Variants in COL19A1 observed in about 807,000 individuals in gnomAD.
The protein encoded by COL19A1 is collagen alpha-1(XIX) chain.
A neutral mutation model predicts 190.2 loss-of-function variants in COL19A1; 159 were observed. The ratio of observed to expected loss-of-function variants is 0.84; its 90% CI spans 0.73 to 0.95. The LOEUF is 0.95. Among genes scored for constraint, COL19A1 ranks in the 40% least tolerant of loss-of-function variants. COL19A1 has a pLI of 0.00. For missense variants in COL19A1, 1,418 were observed against 1,431.9 expected (o/e 0.99, Z 0.16); for synonymous variants, 509 against 458.9 (o/e 1.11, Z -1.39).
chr6:70,003,289 A>G (rs1777390226), intron 11 of COL19A1, among the ~76,000 whole-genome samples: 2 of 152,190 alleles, frequency 1.3e-5, no homozygotes, highest in Admixed American at 6.5e-5. Flanking sequence ...TTTACTTCCA[A>G]TTATGTGGTT....
At chr6:70,189,384 T>G (rs1766719061) in intron 47 of COL19A1, among the ~76,000 whole-genome samples, 1 of 152,186 alleles carries the variant, frequency 6.6e-6, no homozygotes, top group Non-Finnish European at 1.5e-5. Flanking sequence ...TCCGTAGAGC[T>G]TCCAACTCTC....
chr6:70,061,412 T>C (rs567693159), intron 14 of COL19A1, among the ~76,000 whole-genome samples: 1 of 151,834 alleles, frequency 6.6e-6, no homozygotes, highest in Non-Finnish European at 1.5e-5. Flanking sequence ...GTCCTAGACT[T>C]AGCAAAAGTG....
At chr6:69,869,988 A>G (rs1271263010) in intron 1 of COL19A1, among the ~76,000 whole-genome samples, 1 of 152,230 alleles carries the variant, frequency 6.6e-6, no homozygotes, top group Non-Finnish European at 1.5e-5. Flanking sequence ...CAACTTCAAT[A>G]GTACTATTTT....
chr6:70,043,462 G>T (rs1482627221), intron 14 of COL19A1, among the ~76,000 whole-genome samples: 2 of 152,092 alleles, frequency 1.3e-5, no homozygotes, highest in Non-Finnish European at 2.9e-5. Flanking sequence ...AAAGTGCTGG[G>T]ATTACAGGCG....
chr6:69,921,163 AT>A (rs1771735158), intron 4 of COL19A1, among the ~76,000 whole-genome samples: 1 of 128,612 alleles, frequency 7.8e-6, no homozygotes, highest in South Asian at 2.4e-4. Context: ...TCACGTATAT[AT>A]TCATATACGT....
At position 69,993,235 on chromosome 6, in the gene COL19A1, TC is replaced by T. The variant is rs529302351; in HGVS notation, c.1026+30367del. Among the ~76,000 whole-genome samples, 1,148 of 152,290 alleles carry T rather than the reference TC, an allele frequency of 7.5e-3. 9 individuals carry two copies. Among genetic ancestry groups the T allele is most frequent in the South Asian group, 0.011 (54 of 4,826 alleles). ...ATGATCATGTGGTTTTTGTGCTTAGTCCTGTTTATGTGATGAATCACATTTA... is the reference window on the plus strand; with the variant it reads ...ATGATCATGTGGTTTTTGTGCTTAGTCTGTTTATGTGATGAATCACATTTA... On this transcript the variant is annotated intron_variant, in intron 11 of 50. Transcript: ENST00000620364.
chr6:70,180,128 C>A (rs1224749039), intron 42 of COL19A1, among the ~76,000 whole-genome samples, 184 bp from the exon 43 acceptor site: 3 of 152,188 alleles, frequency 2.0e-5, no homozygotes, highest in Non-Finnish European at 4.4e-5. Context: ...TCAAGTGATC[C>A]ATCCACCTCA....
intron 10 of COL19A1, 132 bp downstream of exon 10, chr6:69,960,172 C>G (rs956811841): frequency 9.3e-6 from 8 of 856,922 alleles, no homozygotes; most frequent in Middle Eastern, 3.6e-4. Flanking sequence ...CTATGGATGT[C>G]TTTTCAAAGA....
In COL19A1 at chr6:69,943,058, A is replaced by AT. The variant is rs138670643; in HGVS notation, c.936+4966dup. 5.5e-3 allele frequency among the ~76,000 whole-genome samples: 839 copies of AT among 151,796 alleles called. 19 individuals are homozygous for AT. In the East Asian group the frequency reaches 0.069, roughly 12 times the overall value. ...CCCCTTTCTCCACAACTTTGGTAGCATTTTTTTTGGTCATTTAGATAATAG... is the reference window on the plus strand; with the variant it reads ...CCCCTTTCTCCACAACTTTGGTAGCATTTTTTTTTGGTCATTTAGATAATAG... On this transcript the variant is annotated intron_variant, in intron 9 of 50. Transcript: ENST00000620364.
chr6:70,170,714 G>A (rs554946190), intron 40 of COL19A1, among the ~76,000 whole-genome samples: 2 of 151,882 alleles, frequency 1.3e-5, no homozygotes, highest in African/African-American at 4.8e-5. Context: ...TTTTTGATCA[G>A]TTGTCAAGTT....
intron 9 of COL19A1, among the ~76,000 whole-genome samples, chr6:69,956,569 A>T (rs1774434471): frequency 6.6e-6 from 1 of 152,192 alleles, no homozygotes; most frequent in African/African-American, 2.4e-5. Context: ...ACCATAAAAT[A>T]TTTCAATTTC....
At chr6:70,114,394 T>G (rs1784449162) in intron 16 of COL19A1, among the ~76,000 whole-genome samples, 1 of 152,204 alleles carries the variant, frequency 6.6e-6, no homozygotes, top group African/African-American at 2.4e-5. Context: ...ACCTAGCTCT[T>G]GTCTACTATT....
At chr6:69,977,350 G>A (rs756266030) in intron 11 of COL19A1, among the ~76,000 whole-genome samples, 50 of 148,760 alleles carry the variant, frequency 3.4e-4, no homozygotes, top group Non-Finnish European at 8.9e-5. Context: ...ACTCATAGGT[G>A]GGAGTTGAAC....
At chr6:69,904,014 A>G (rs1427550527) in intron 4 of COL19A1, among the ~76,000 whole-genome samples, 2 of 152,116 alleles carry the variant, frequency 1.3e-5, no homozygotes, top group African/African-American at 2.4e-5. Context: ...ATCAAGGCAA[A>G]CTGATGGCCT....
intron 4 of COL19A1, among the ~76,000 whole-genome samples, chr6:69,914,110 G>C (rs899274817): frequency 6.6e-6 from 1 of 152,114 alleles, no homozygotes; most frequent in South Asian, 2.1e-4. Flanking sequence ...ATGGGAAGTC[G>C]TTTACAATGC....
rs1768251616 is a variant in COL19A1, at chr6:70,212,301, T to G, written c.*5027T>G. Among the ~76,000 whole-genome samples, 1 of 152,240 alleles carries G rather than the reference T, an allele frequency of 6.6e-6. No homozygotes were observed. The highest frequency in any genetic ancestry group is 1.5e-5 in the Non-Finnish European group (1 of 68,048). Reference sequence around the variant, plus strand: ...TGTTCTCTATCTTACCTCATCAAACTCTTTACGATTTAATTGAATATACTC... The same window carrying G: ...TGTTCTCTATCTTACCTCATCAAACGCTTTACGATTTAATTGAATATACTC... On this transcript the variant is annotated 3_prime_UTR_variant, in exon 51 of 51. Coordinates refer to ENST00000620364, the MANE Select transcript of COL19A1 (RefSeq NM_001858.6).
At chr6:69,908,692 C>T (rs1284266284) in intron 4 of COL19A1, among the ~76,000 whole-genome samples, 2 of 152,022 alleles carry the variant, frequency 1.3e-5, no homozygotes, top group African/African-American at 2.4e-5. Context: ...ATTTTGGAAA[C>T]ATTTGATGTT....
chr6:70,154,149 C>T (rs1787287172), intron 31 of COL19A1, among the ~76,000 whole-genome samples: 2 of 149,142 alleles, frequency 1.3e-5, no homozygotes, highest in Admixed American at 6.7e-5. Context: ...TGATGTTCCC[C>T]TCCCTGTGTC....
chr6:70,067,086 G>T (rs1255591021), intron 14 of COL19A1, among the ~76,000 whole-genome samples: 1 of 152,138 alleles, frequency 6.6e-6, no homozygotes, highest in Non-Finnish European at 1.5e-5. Flanking sequence ...TCACTTAAAT[G>T]AATTAGTGGT....
Sources: gnomAD v4.1 joint callset for allele counts (sites outside exome capture counted in the v4.1 genomes callset) on GRCh38, gnomAD v4.1.1 for gene constraint, MANE v1.5 for transcripts, NCBI Gene and HGNC (gene_info 2026-07-23, HGNC 2026-07-21) for gene names.